Variants in PRKG2 observed in about 807,000 individuals in gnomAD.
The protein encoded by PRKG2 is protein kinase cGMP-dependent 2, also known as cGMP-dependent protein kinase 2.
Under a neutral mutation model 97.2 loss-of-function variants are expected in PRKG2, and 33 were observed. The observed-to-expected ratio is 0.34, with a 90% CI of 0.26 to 0.45. The LOEUF (loss-of-function observed/expected upper bound fraction) is 0.45. PRKG2 is among the 20% of genes least tolerant of loss of function. PRKG2 has a pLI of 1.00. For missense variants in PRKG2, 638 were observed against 900.0 expected (o/e 0.71, Z 3.73); for synonymous variants, 330 against 321.8 (o/e 1.03, Z -0.27).
intron 2 of PRKG2, among the ~76,000 whole-genome samples, chr4:81,186,722 C>T (rs977834710): frequency 2.6e-5 from 4 of 151,848 alleles, no homozygotes; most frequent in South Asian, 2.1e-4. Flanking sequence ...ATAGATAGAC[C>T]CCTAGCCAGA....
At chr4:81,188,341 T>C (rs1273322368) in intron 2 of PRKG2, among the ~76,000 whole-genome samples, 2 of 149,654 alleles carry the variant, frequency 1.3e-5, no homozygotes, top group Admixed American at 6.6e-5. Flanking sequence ...TCACATCAGT[T>C]AGAATGGCAA....
At chr4:81,125,312 T>A (rs1745445602) in intron 14 of PRKG2, among the ~76,000 whole-genome samples, 1 of 152,146 alleles carries the variant, frequency 6.6e-6, no homozygotes, top group Non-Finnish European at 1.5e-5. Flanking sequence ...TCCTTTCCAG[T>A]CAAATGTTTT....
At chr4:81,165,892 A>G (rs80276739) in intron 6 of PRKG2, among the ~76,000 whole-genome samples, 16,618 of 152,026 alleles carry the variant, frequency 0.11, 1,107 homozygotes, top group Middle Eastern at 0.21. Flanking sequence ...AATCTACTCT[A>G]TTAGTATTAT....
At chr4:81,153,990 C>T (rs1018544174) in intron 6 of PRKG2, 12 of 263,988 alleles carry the variant, frequency 4.5e-5, no homozygotes, top group Admixed American at 4.0e-4. Flanking sequence ...CTTTCCTAGT[C>T]AAAGAAAGGG....
At chr4:81,159,074 C>G (rs1749375800) in intron 6 of PRKG2, among the ~76,000 whole-genome samples, 1 of 152,020 alleles carries the variant, frequency 6.6e-6, no homozygotes, top group Non-Finnish European at 1.5e-5. Context: ...TCTAAAACAC[C>G]AAAAGCAATG....
intron 1 of PRKG2, among the ~76,000 whole-genome samples, chr4:81,205,773 AG>A (rs1753613896): frequency 6.6e-6 from 1 of 152,194 alleles, no homozygotes; most frequent in South Asian, 2.1e-4. Context: ...TTTCCTATTA[AG>A]AATGTCCTCC....
chr4:81,215,744 G>T (rs947601347), upstream of PRKG2, among the ~76,000 whole-genome samples: 7 of 151,180 alleles, frequency 4.6e-5, no homozygotes, highest in Admixed American at 4.6e-4. Context: ...CATCTAGTTT[G>T]CCAGTTCACG....
intron 7 of PRKG2, chr4:81,153,367 A>G: frequency 3.7e-6 from 1 of 272,048 alleles, no homozygotes; most frequent in Admixed American, 5.0e-5. Context: ...GGACCTTATA[A>G]ATAATCCAGC....
chr4:81,126,723 T>C (rs1412743319), intron 14 of PRKG2, among the ~76,000 whole-genome samples: 2 of 152,204 alleles, frequency 1.3e-5, no homozygotes, highest in East Asian at 3.9e-4. Flanking sequence ...TTGATGGTTT[T>C]TTTTTCTTGT....
intron 9 of PRKG2, among the ~76,000 whole-genome samples, chr4:81,147,412 G>A (rs956400669): frequency 4.6e-5 from 7 of 152,072 alleles, no homozygotes; most frequent in East Asian, 1.9e-4. Context: ...TTGAGAGTTG[G>A]CATCCAAAGA....
At chr4:81,194,959 A>G (rs1752862475) in intron 2 of PRKG2, among the ~76,000 whole-genome samples, 1 of 152,150 alleles carries the variant, frequency 6.6e-6, no homozygotes, top group South Asian at 2.1e-4. Flanking sequence ...CCATATGCCC[A>G]GGGCTCTTGC....
intron 2 of PRKG2, among the ~76,000 whole-genome samples, chr4:81,186,815 T>C (rs908181887): frequency 6.6e-6 from 1 of 152,072 alleles, no homozygotes; most frequent in African/African-American, 2.4e-5. Context: ...CCCACATAAA[T>C]ACAAACTACC....
chr4:81,217,036 T>TATATATATATAC (rs1754301360), upstream of PRKG2, among the ~76,000 whole-genome samples: 1 of 137,360 alleles, frequency 7.3e-6, no homozygotes, highest in Non-Finnish European at 1.5e-5. Flanking sequence ...ATTTTGTATA[T>TATATATATATAC]ATATATATAT....
At chr4:81,103,510 A>G (rs552305070) in intron 17 of PRKG2, among the ~76,000 whole-genome samples, 2 of 152,314 alleles carry the variant, frequency 1.3e-5, no homozygotes, top group East Asian at 3.9e-4. Flanking sequence ...GAATTTGAGG[A>G]TATTCAAAGG....
chr4:81,127,074 T>C (rs1745664592), intron 14 of PRKG2, among the ~76,000 whole-genome samples: 1 of 152,232 alleles, frequency 6.6e-6, no homozygotes, highest in African/African-American at 2.4e-5. Flanking sequence ...AGTTTCAGTT[T>C]TCTGCATATG....
chr4:81,141,371 T>G (rs1578409600), intron 11 of PRKG2, among the ~76,000 whole-genome samples: 1 of 152,124 alleles, frequency 6.6e-6, no homozygotes, highest in African/African-American at 2.4e-5. Context: ...TTATGTAAAT[T>G]TAAATTAAAT....
rs1553916437 is a variant in PRKG2, at chr4:81,092,465, A to AAAGAAAGGAAGG, written c.2127-14_2127-13insCCTTCCTTTCTT. Reference sequence around the variant, plus strand: ...ACCATTTAACCACCTGAGAAATGAGAAAGGAAGGAAGGAAGGAAGGAAGGA... The same window carrying AAAGAAAGGAAGG: ...ACCATTTAACCACCTGAGAAATGAGAAAGAAAGGAAGGAAGGAAGGAAGGAAGGAAGGAAGGA... On this transcript the variant is annotated splice_polypyrimidine_tract_variant and intron_variant, in intron 17 of 18. Coordinates refer to ENST00000264399, the MANE Select transcript of PRKG2 (RefSeq NM_006259.3). 26 of 926,504 alleles carry AAAGAAAGGAAGG rather than the reference A, an allele frequency of 2.8e-5. No homozygotes were observed. Among genetic ancestry groups the AAAGAAAGGAAGG allele is most frequent in the Non-Finnish European group, 4.0e-5 (25 of 626,078 alleles). 57.4% of individuals were successfully genotyped at this position (926,504 alleles called of 1,614,324 possible).
At chr4:81,214,650 G>A (rs1220220469) in intron 1 of PRKG2, among the ~76,000 whole-genome samples, 1 of 152,096 alleles carries the variant, frequency 6.6e-6, no homozygotes, top group Non-Finnish European at 1.5e-5. Context: ...AGAGAACCCT[G>A]AGGACTCCCC....
intron 6 of PRKG2, chr4:81,153,973 G>GAGTT (rs1374041188): frequency 6.6e-6 from 2 of 302,286 alleles, no homozygotes; most frequent in Non-Finnish European, 6.2e-6. Flanking sequence ...AGGGGTCAGG[G>GAGTT]AGTTCCCTTT....
Sources: allele counts gnomAD v4.1 joint callset (sites outside exome capture counted in the v4.1 genomes callset), GRCh38; gene constraint gnomAD v4.1.1; transcripts MANE v1.5; gene names NCBI Gene and HGNC (gene_info 2026-07-23, HGNC 2026-07-21).